PPID: variants seen among roughly 807,000 people sequenced by gnomAD.
PPID encodes the protein peptidyl-prolyl cis-trans isomerase D.
In PPID, 47 loss-of-function variants were observed where a neutral mutation model predicts 48.1. That is an observed-to-expected ratio of 0.98 (90% CI 0.77 to 1.25). PPID has a LOEUF of 1.25. PPID is among the 50% of genes most tolerant of loss of function. The probability of loss-of-function intolerance (pLI) is 0.00; values close to 1 mark genes in which losing one functional copy is unlikely to be tolerated. For synonymous variants in PPID, 163 were observed against 148.8 expected (o/e 1.10, Z -0.69); for missense variants, 429 against 443.5 (o/e 0.97, Z 0.29).
At chr4:158,713,316 TTC>T in intron 6 of PPID, 56 bp from the exon 7 acceptor site, 1 of 1,460,694 alleles carries the variant, frequency 6.8e-7, no homozygotes, top group Non-Finnish European at 9.2e-7. Flanking sequence ...GGAATTACTC[TTC>T]TCTATGTCCA....
chr4:158,723,367 C>T lies in PPID; in HGVS notation c.-79G>A. On this transcript the variant is annotated 5_prime_UTR_variant, in exon 1 of 10. Coordinates refer to ENST00000307720, the MANE Select transcript of PPID (RefSeq NM_005038.3). Reference sequence around the variant, plus strand: ...GGGCCGCCCAAACTCCAGAGTCCGTCTCCGCCGGAGACCGGCAGCGACGCT... The same window carrying T: ...GGGCCGCCCAAACTCCAGAGTCCGTTTCCGCCGGAGACCGGCAGCGACGCT... 2 of 1,425,452 alleles carry T rather than the reference C, an allele frequency of 1.4e-6. No individual in the cohort carries two copies. Among genetic ancestry groups the T allele is most frequent in the East Asian group, 2.4e-5 (1 of 42,024 alleles). 88.3% of individuals were successfully genotyped at this position (1,425,452 alleles called of 1,614,324 possible). A position where few individuals can be genotyped will look rare whatever the true frequency, so the allele number is the denominator to read the frequency against.
At position 158,713,116 on chromosome 4, in the gene PPID, TACCTC is replaced by T. The variant is rs1314457804; in HGVS notation, c.892_894+2del. 1.9e-6 allele frequency: 3 copies of T among 1,613,838 alleles called. No homozygotes were observed. The highest frequency in any genetic ancestry group is 3.3e-5 in the Admixed American group (2 of 60,004). On this transcript the variant is annotated splice_donor_variant and coding_sequence_variant, in exon 7 of 10. Coordinates refer to ENST00000307720, the MANE Select transcript of PPID (RefSeq NM_005038.3). LOFTEE classifies it high-confidence loss of function. ...CAAAAAGTTCAAAATCAAACAGACT[TACCTC>T]TAAACAACTGTCAATTGCTCCCTGC...
At position 158,717,069 on chromosome 4, in the gene PPID, T is replaced by A. The variant is rs776337759; in HGVS notation, c.465A>T (p.Gly155=). 15 of 1,614,022 alleles carry A rather than the reference T, an allele frequency of 9.3e-6. No homozygotes were observed. In the Middle Eastern group the frequency reaches 4.9e-4, roughly 53 times the overall value. ...KHVVFGQVIK[G]IGVARILENV... ...TTTCCAATATCCTTGCCACTCCTAT[T>A]CCTTTAATTACTTGGCCAAACACCA... Residue 155 remains glycine, a synonymous_variant, in exon 4 of 10, where the codon GGA becomes GGT. Transcript: ENST00000307720.
At chr4:158,713,298 CAT>C (rs750423368) in intron 6 of PPID, 38 bp from the exon 7 acceptor site, 42 of 1,530,162 alleles carry the variant, frequency 2.7e-5, no homozygotes, top group Non-Finnish European at 8.8e-7. Flanking sequence ...TGAAAGACCA[CAT>C]AAACAGGAAT....
chr4:158,719,177 T>C lies in PPID; in HGVS notation c.333+3A>G, dbSNP rs531562473. On this transcript the variant is annotated splice_donor_region_variant and intron_variant, in intron 3 of 9. Transcript: ENST00000307720. ...GCAATAACATGCATTTTCTCTACTT[T>C]ACCTTGTAATGGAAATTTTCATCTT... 1.3e-6 allele frequency: 2 copies of C among 1,551,210 alleles called. No individual in the cohort carries two copies. Among genetic ancestry groups the C allele is most frequent in the African/African-American group, 1.4e-5 (1 of 73,600 alleles).
Position 158,717,036 on chromosome 4 carries a change from T to G in PPID, c.498A>C (p.Glu166Asp). The G allele has an allele frequency of 1.9e-6, 3 of 1,613,766 alleles. No homozygotes were observed. The highest frequency in any genetic ancestry group is 1.6e-4 in the Middle Eastern group (1 of 6,062). The change falls in exon 4 of 10, where the codon GAA becomes GAC. Residue 166 changes from glutamate to aspartate, a missense_variant. Transcript: ENST00000307720. ...CTTTAGCAGGTTTTTCACCTTTCACTTCCACATTTTCCAATATCCTTGCCA... is the reference window on the plus strand; with the variant it reads ...CTTTAGCAGGTTTTTCACCTTTCACGTCCACATTTTCCAATATCCTTGCCA... ...IGVARILENV[E>D]VKGEKPAKLC...
intron 6 of PPID, among the ~76,000 whole-genome samples, chr4:158,714,952 T>C (rs1043664746): frequency 6.6e-6 from 1 of 152,228 alleles, no homozygotes; most frequent in Non-Finnish European, 1.5e-5. Flanking sequence ...ATTGAACTTA[T>C]GCAGAATGTC....
At chr4:158,710,236 A>T (rs1401157316) in intron 9 of PPID, 2 of 341,126 alleles carry the variant, frequency 5.9e-6, no homozygotes, top group South Asian at 3.7e-5. Flanking sequence ...GCCACATTCA[A>T]CTTGAATGGT....
At position 158,709,642 on chromosome 4, in the gene PPID, A is replaced by G; in HGVS notation, c.*94T>C. 1 of 912,480 alleles carries G rather than the reference A, an allele frequency of 1.1e-6. No homozygotes were observed. The highest frequency in any genetic ancestry group is 1.7e-6 in the Non-Finnish European group (1 of 597,958). The allele number at this position is 912,480 out of a possible 1,614,324, so 56.5% of individuals were successfully genotyped here. ...CAGTAAGGAACTAAGGTGTCAAAAGAAACACATTAGGGATCATATTCATAG... is the reference window on the plus strand; with the variant it reads ...CAGTAAGGAACTAAGGTGTCAAAAGGAACACATTAGGGATCATATTCATAG... On this transcript the variant is annotated 3_prime_UTR_variant, in exon 10 of 10. Coordinates refer to ENST00000307720, the MANE Select transcript of PPID (RefSeq NM_005038.3).
Position 158,713,107 on chromosome 4 carries a change from A to C in PPID, c.894+12T>G, listed in dbSNP as rs1774815734. 6.2e-7 allele frequency: 1 copy of C among 1,613,748 alleles called. No individual in the cohort carries two copies. On this transcript the variant is annotated intron_variant, in intron 7 of 9. Coordinates refer to ENST00000307720, the MANE Select transcript of PPID (RefSeq NM_005038.3). ...CAACTTATTCAAAAAGTTCAAAATC[A>C]AACAGACTTACCTCTAAACAACTGT...
chr4:158,713,270 G>A lies in PPID; in HGVS notation c.753-10C>T. 1 of 1,591,678 alleles carries A rather than the reference G, an allele frequency of 6.3e-7. No homozygotes were observed. The highest frequency in any genetic ancestry group is 8.5e-7 in the Non-Finnish European group (1 of 1,170,554). On this transcript the variant is annotated splice_polypyrimidine_tract_variant and intron_variant, in intron 6 of 9. Coordinates refer to ENST00000307720, the MANE Select transcript of PPID (RefSeq NM_005038.3). ...TGAACTGTCCACGTATCTGCAGAAT[G>A]CATTAATAAAAGCAGTATGAAAGAC...
chr4:158,721,630 C>A, intron 1 of PPID, 147 bp from the exon 2 acceptor site: 1 of 795,496 alleles, frequency 1.3e-6, no homozygotes, highest in Non-Finnish European at 2.0e-6. Flanking sequence ...ATTTCAAGAA[C>A]ACAACACATT....
At chr4:158,717,349 A>C (rs371961977) in intron 3 of PPID, 149 bp from the exon 4 acceptor site, 1 of 580,068 alleles carries the variant, frequency 1.7e-6, no homozygotes. Context: ...CTTTTCACTT[A>C]TAAAATTTTT....
In PPID at chr4:158,715,310, C is replaced by T; in HGVS notation, c.739G>A (p.Ala247Thr). Residue 247 changes from alanine (A) to threonine (T), a missense_variant, in exon 6 of 10, where the codon GCA (alanine) becomes ACA (threonine). Physicochemically the swap from Ala to Thr is moderately conservative, Grantham distance 58 (BLOSUM62 0). Transcript: ENST00000307720. The part of the protein sequence containing the change: ...QNWEMAIKKY[A>T]EVLRYVDSSK... ...AAATAATATTACCTTAAAACTTCTG[C>T]ATATTTTTTAATAGCCATCTCCCAG... 2 of 1,508,522 alleles carry T rather than the reference C, an allele frequency of 1.3e-6. No homozygotes were observed. The highest frequency in any genetic ancestry group is 1.8e-6 in the Non-Finnish European group (2 of 1,127,216). The allele number at this position is 1,508,522 out of a possible 1,614,324, so 93.4% of individuals were successfully genotyped here.
chr4:158,711,657 C>G (rs577167046), intron 7 of PPID, among the ~76,000 whole-genome samples: 18 of 152,188 alleles, frequency 1.2e-4, no homozygotes, highest in African/African-American at 4.3e-4. Context: ...CAGATTTTAC[C>G]TGCCTCACAG....
rs1457172143 is a variant in PPID at position 158,723,346 on chromosome 4, C to G, written c.-58G>C. 55 of 1,527,682 alleles carry G rather than the reference C, an allele frequency of 3.6e-5. 1 individual carries two copies. In the South Asian group the frequency reaches 5.8e-4, roughly 16 times the overall value. 94.6% of individuals were successfully genotyped at this position (1,527,682 alleles called of 1,614,324 possible). A position where few individuals can be genotyped will look rare whatever the true frequency, so the allele number is the denominator to read the frequency against. On this transcript the variant is annotated 5_prime_UTR_variant, in exon 1 of 10. Transcript: ENST00000307720. The stretch of plus-strand genomic sequence containing the variant: ...CAGAGTACCTAGTGGCCGCCCGGGC[C>G]GCCCAAACTCCAGAGTCCGTCTCCG...
At position 158,717,044 on chromosome 4, in the gene PPID, T is replaced by C; in HGVS notation, c.490A>G (p.Asn164Asp). ...KGIGVARILENVEVKGEKPAK... is the reference protein window; with the variant it reads ...KGIGVARILEDVEVKGEKPAK... ...GGTTTTTCACCTTTCACTTCCACAT[T>C]TTCCAATATCCTTGCCACTCCTATT... The change falls in exon 4 of 10, where the codon AAT becomes GAT. Residue 164 changes from asparagine to aspartate, a missense_variant. By Grantham distance (23) the Asn-to-Asp change is conservative. Transcript: ENST00000307720. 2 of 1,613,912 alleles carry C rather than the reference T, an allele frequency of 1.2e-6. No homozygotes were observed.
At chr4:158,717,784 C>T (rs1373149723) in intron 3 of PPID, among the ~76,000 whole-genome samples, 1 of 152,200 alleles carries the variant, frequency 6.6e-6, no homozygotes, top group Admixed American at 6.5e-5. Context: ...GTTTTCATCC[C>T]AGATGAATCA....
intron 1 of PPID, among the ~76,000 whole-genome samples, chr4:158,722,352 T>C (rs1774976574): frequency 2.0e-5 from 3 of 152,244 alleles, no homozygotes; most frequent in Admixed American, 2.0e-4. Context: ...TACGTATACC[T>C]GCAGCCTTTG....
Sources: allele counts gnomAD v4.1 joint callset (sites outside exome capture counted in the v4.1 genomes callset), GRCh38; gene constraint gnomAD v4.1.1; transcripts MANE v1.5; gene names NCBI Gene and HGNC (gene_info 2026-07-23, HGNC 2026-07-21).